The following MYLIP variants were observed in gnomAD, a reference collection of about 807,000 sequenced individuals.
MYLIP encodes the protein myosin regulatory light chain interacting protein.
In MYLIP, 26 loss-of-function variants were observed where a neutral mutation model predicts 45.8. That is an observed-to-expected ratio of 0.57 (90% confidence interval 0.42 to 0.79). MYLIP has a LOEUF of 0.79. Among genes scored for constraint, MYLIP ranks in the 30% least tolerant of loss-of-function variants. MYLIP has a pLI of 0.00. For missense variants in MYLIP, 494 were observed against 555.6 expected, an observed-to-expected ratio of 0.89 and a Z score of 1.11; for synonymous variants, 213 against 218.1, an observed-to-expected ratio of 0.98 and a Z score of 0.21.
downstream of MYLIP, among the ~76,000 whole-genome samples, chr6:16,151,244 C>G (rs1290231362): frequency 6.6e-6 from 1 of 151,396 alleles, no homozygotes; most frequent in African/African-American, 2.4e-5. Flanking sequence ...GCAGTCCCAG[C>G]TACTCAGGAG....
chr6:16,153,732 C>G, the MYLIP span, among the ~76,000 whole-genome samples: 2 of 152,184 alleles, frequency 1.3e-5, no homozygotes, highest in African/African-American at 2.4e-5. Flanking sequence ...CCAGGCAAAG[C>G]TGCTGTGTCT....
chr6:16,143,756 G>T lies in MYLIP; in HGVS notation c.720G>T (p.Thr240=), dbSNP rs112531050. ...ATQSGKNVYL[T]VTKESGNSIV... ...AGTCAGGAAAGAATGTATATTTGAC[G>T]GTCACCAAGGAATCTGGGAACAGCA... Residue 240 remains threonine (T), a synonymous_variant, in exon 5 of 7, where the codon ACG becomes ACT. Coordinates refer to ENST00000356840, the MANE Select transcript of MYLIP (RefSeq NM_013262.4). 197 of 1,613,986 alleles carry T rather than the reference G, an allele frequency of 1.2e-4. 2 individuals carry two copies. In the South Asian group the frequency reaches 1.4e-3, roughly 12 times the overall value.
intron 6 of MYLIP, 118 bp from the exon 7 acceptor site, chr6:16,146,544 C>G (rs894716038): frequency 1.3e-6 from 1 of 745,988 alleles, no homozygotes. Flanking sequence ...CTAGAAATCA[C>G]TGTGATCACA....
chr6:16,151,011 A>C (rs533679441), downstream of MYLIP, among the ~76,000 whole-genome samples: 1 of 152,158 alleles, frequency 6.6e-6, no homozygotes, highest in Non-Finnish European at 1.5e-5. Flanking sequence ...CAATATGAGA[A>C]AAAAGGTATG....
At position 16,145,465 on chromosome 6, in the gene MYLIP, A is replaced by C. The variant is rs1020509432; in HGVS notation, c.1248+148A>C. The stretch of plus-strand genomic sequence containing the variant: ...GGGTCTTTGTATTTGGTGACCTAAA[A>C]GGCATTGCCCTTTAGAAACATTTTA... On this transcript the variant is annotated intron_variant, in intron 6 of 6. Transcript: ENST00000356840. 5 of 816,344 alleles carry C rather than the reference A, an allele frequency of 6.1e-6. No individual in the cohort carries two copies. In the Admixed American group the frequency reaches 9.0e-5, roughly 15 times the overall value. The allele number at this position is 816,344 out of a possible 1,614,324, so 50.6% of individuals were successfully genotyped here.
At position 16,135,748 on chromosome 6, in the gene MYLIP, C is replaced by CAT. The variant is rs765116596; in HGVS notation, c.278+5006_278+5007dup. On this transcript the variant is annotated intron_variant, in intron 2 of 6. Coordinates refer to ENST00000356840, the MANE Select transcript of MYLIP (RefSeq NM_013262.4). ...TACACACATTATATGTGTGTGTATACATATATCTATATATATATATATATA... is the reference window on the plus strand; with the variant it reads ...TACACACATTATATGTGTGTGTATACATATATATCTATATATATATATATATA... Among the ~76,000 whole-genome samples the CAT allele has an allele frequency of 8.0e-3, 900 of 113,114 alleles. 24 individuals are homozygous for CAT. The highest frequency in any genetic ancestry group is 0.023 in the African/African-American group (736 of 31,958). 74.2% of individuals were successfully genotyped at this position (113,114 alleles called of 152,430 possible).
chr6:16,151,185 T>TAA (rs1339394590), downstream of MYLIP, among the ~76,000 whole-genome samples: 3 of 139,784 alleles, frequency 2.1e-5, no homozygotes, highest in African/African-American at 7.9e-5. Context: ...CCATCTCTGC[T>TAA]AAAAAAAAAA....
chr6:16,146,746 A>AT lies in MYLIP; in HGVS notation c.1334dup (p.Ter446LeufsTer14), dbSNP rs1561791389. On this transcript the variant is annotated frameshift_variant, in exon 7 of 7. Coordinates refer to ENST00000356840, the MANE Select transcript of MYLIP (RefSeq NM_013262.4). LOFTEE classifies it high-confidence loss of function. The stretch of plus-strand genomic sequence containing the variant: ...CACCAGTCTTCTCAATCTGACTGTA[A>AT]TCTAATCTGTTGTGCTTTTGTTGGA... 2.5e-6 allele frequency: 4 copies of AT among 1,606,870 alleles called. No individual in the cohort carries two copies. The highest frequency in any genetic ancestry group is 3.4e-6 in the Non-Finnish European group (4 of 1,175,340).
At chr6:16,145,467 G>C (rs1397879914) in intron 6 of MYLIP, 150 bp downstream of exon 6, 3 of 798,736 alleles carry the variant, frequency 3.8e-6, no homozygotes, top group South Asian at 2.2e-5. Context: ...GACCTAAAAG[G>C]CATTGCCCTT....
chr6:16,135,087 C>A (rs1021173223), intron 2 of MYLIP, among the ~76,000 whole-genome samples: 2 of 152,124 alleles, frequency 1.3e-5, no homozygotes, highest in Non-Finnish European at 2.9e-5. Flanking sequence ...CTCTTCTGTA[C>A]CAGCAGCAGG....
rs1759413706 is a variant in MYLIP, at chr6:16,129,616, C to T, written c.87+207C>T. Reference sequence around the variant, plus strand: ...TGGGGTGCGCGGAGAAAGCGCGCAGCGGGGGTCCCCAGCGCTGAGGGCCGG... The same window carrying T: ...TGGGGTGCGCGGAGAAAGCGCGCAGTGGGGGTCCCCAGCGCTGAGGGCCGG... On this transcript the variant is annotated intron_variant, in intron 1 of 6. Transcript: ENST00000356840. The surrounding 1 kb of genome is among the most constrained non-coding windows in gnomAD (Gnocchi z 5.1). 6.6e-6 allele frequency among the ~76,000 whole-genome samples: 1 copy of T among 152,166 alleles called. No individual in the cohort carries two copies. Among genetic ancestry groups the T allele is most frequent in the African/African-American group, 2.4e-5 (1 of 41,460 alleles).
intron 2 of MYLIP, among the ~76,000 whole-genome samples, chr6:16,139,990 T>G (rs889063669): frequency 5.3e-5 from 8 of 152,332 alleles, no homozygotes; most frequent in Admixed American, 2.0e-4. Context: ...AGCCAGACAT[T>G]GTAGACTCTC....
At position 16,136,111 on chromosome 6, in the gene MYLIP, A is replaced by G. The variant is rs149465552; in HGVS notation, c.278+5364A>G. On this transcript the variant is annotated intron_variant, in intron 2 of 6. Coordinates refer to ENST00000356840, the MANE Select transcript of MYLIP (RefSeq NM_013262.4). ...TGTAAAATTTACATAAATCCTAATT[A>G]TACCATTTAATGATTTTTGACAAAC... is the stretch of plus-strand genomic sequence containing the variant. Among the ~76,000 whole-genome samples the G allele has an allele frequency of 5.6e-4, 85 of 152,276 alleles. 1 individual carries two copies. The highest frequency in any genetic ancestry group is 9.7e-4 in the Non-Finnish European group (66 of 68,010).
chr6:16,135,735 ATGTG>A (rs1759536269), intron 2 of MYLIP, among the ~76,000 whole-genome samples: 2 of 133,118 alleles, frequency 1.5e-5, no homozygotes, highest in Non-Finnish European at 3.1e-5. Flanking sequence ...CACACATTAT[ATGTG>A]TGTGTATACA....
At chr6:16,154,549 C>G in the MYLIP span, among the ~76,000 whole-genome samples, 10 of 152,192 alleles carry the variant, frequency 6.6e-5, no homozygotes, top group African/African-American at 2.4e-4. Context: ...GTGTTCCCCC[C>G]AACCCACCCA....
Position 16,130,565 on chromosome 6 carries a change from G to A in MYLIP, c.96G>A (p.Arg32=). 2 of 1,614,052 alleles carry A rather than the reference G, an allele frequency of 1.2e-6. No homozygotes were observed. Among genetic ancestry groups the A allele is most frequent in the Non-Finnish European group, 8.5e-7 (1 of 1,179,932 alleles). Reference sequence around the variant, plus strand: ...ATTCCTTTTTGTTTTAGGTGTGCAGGCGACTGGGAATCATAGAAGTTGACT... The same window carrying A: ...ATTCCTTTTTGTTTTAGGTGTGCAGACGACTGGGAATCATAGAAGTTGACT... ...NGEDCLNQVC[R]RLGIIEVDYF... The change falls in exon 2 of 7, where the codon AGG becomes AGA. Residue 32 remains arginine (R), a synonymous_variant. Transcript: ENST00000356840.
At chr6:16,161,702 T>C in the MYLIP span, among the ~76,000 whole-genome samples, 2 of 152,252 alleles carry the variant, frequency 1.3e-5, no homozygotes, top group African/African-American at 4.8e-5. Flanking sequence ...CATGTTCATT[T>C]TTGATTTACG....
chr6:16,130,649 C>A lies in MYLIP; in HGVS notation c.180C>A (p.Asn60Lys). ...AAAGTTTATGGCTAAACCTGAGAAA[C>A]CGGATCTCCCAGCAGATGGATGGGC... ...KGESLWLNLR[N>K]RISQQMDGLA... is the part of the protein sequence containing the mutation. The change falls in exon 2 of 7, where the codon AAC becomes AAA. Residue 60 changes from asparagine to lysine, a missense_variant. Transcript: ENST00000356840. The A allele has an allele frequency of 1.9e-6, 3 of 1,614,194 alleles. No homozygotes were observed. The highest frequency in any genetic ancestry group is 2.5e-6 in the Non-Finnish European group (3 of 1,180,028).
chr6:16,143,278 T>A, intron 4 of MYLIP, 61 bp downstream of exon 4: 1 of 1,496,662 alleles, frequency 6.7e-7, no homozygotes, highest in Non-Finnish European at 9.3e-7. Context: ...GCTGTCAATG[T>A]AATAGAAAAT....
Sources: allele counts gnomAD v4.1 joint callset (sites outside exome capture counted in the v4.1 genomes callset), GRCh38; gene constraint gnomAD v4.1.1; non-coding constraint Gnocchi (gnomAD v3.1); transcripts MANE v1.5; gene names NCBI Gene and HGNC (gene_info 2026-07-23, HGNC 2026-07-21).